The following DDX46 variants were observed in gnomAD, a reference collection of about 807,000 sequenced individuals.
The protein encoded by DDX46 is probable ATP-dependent RNA helicase DDX46.
Under a neutral mutation model 134.9 loss-of-function variants are expected in DDX46, and 30 were observed. That is an observed-to-expected ratio of 0.22 (90% CI 0.17 to 0.30). The LOEUF (loss-of-function observed/expected upper bound fraction) is 0.30, where lower values mean the gene tolerates loss of function less well. Ranked by LOEUF, DDX46 falls within the 10% of genes least tolerant of loss-of-function variation. The pLI is 1.00. For missense variants in DDX46, 622 were observed against 1,248.7 expected (o/e 0.50, Z 7.56); for synonymous variants, 415 against 404.1 (o/e 1.03, Z -0.32).
At position 134,786,100 on chromosome 5, in the gene DDX46, C is replaced by T. The variant is rs192525303; in HGVS notation, c.1464+514C>T. 3.3e-3 allele frequency among the ~76,000 whole-genome samples: 509 copies of T among 152,210 alleles called. 4 individuals carry two copies. Among genetic ancestry groups the T allele is most frequent in the Middle Eastern group, 0.027 (8 of 294 alleles). ...CTGACCTCAGGTGATCCTCCTGCCT[C>T]GGCCTCCCAAAGTGTTGGGATTACA... is the stretch of plus-strand genomic sequence containing the variant. On this transcript the variant is annotated intron_variant, in intron 11 of 22. Transcript: ENST00000452510.
intron 21 of DDX46, among the ~76,000 whole-genome samples, chr5:134,825,341 G>T (rs1755561561): frequency 6.6e-6 from 1 of 152,102 alleles, no homozygotes; most frequent in South Asian, 2.1e-4. Flanking sequence ...ATAGTGTTGT[G>T]ATTGGTGGCT....
intron 1 of DDX46, among the ~76,000 whole-genome samples, chr5:134,760,791 G>A (rs1388156650): frequency 6.6e-6 from 1 of 151,890 alleles, no homozygotes; most frequent in Non-Finnish European, 1.5e-5. Flanking sequence ...GTGCAGTGGT[G>A]GGATCTCGGC....
In DDX46 at chr5:134,790,477, C is replaced by T; in HGVS notation, c.1551C>T (p.Val517=). ...IDMLAANSGR[V]TNLRRVTYVV... ...TTTTTCTTTTCATCTTAGGTCGGGT[C>T]ACAAATCTTCGAAGAGTGACATATG... The change falls in exon 13 of 23, where the codon GTC becomes GTT. Residue 517 remains valine (V), a synonymous_variant. Coordinates refer to ENST00000452510, the MANE Select transcript of DDX46 (RefSeq NM_001300860.2). The T allele has an allele frequency of 6.2e-7, 1 of 1,610,628 alleles. No homozygotes were observed.
At chr5:134,819,095 G>A (rs1297761452) in intron 21 of DDX46, 91 bp downstream of exon 21, 3 of 1,370,464 alleles carry the variant, frequency 2.2e-6, no homozygotes, top group South Asian at 1.7e-5. Flanking sequence ...GTCAATTCTA[G>A]AGAGAACTGA....
chr5:134,768,096 G>T (rs1373979765), intron 3 of DDX46, among the ~76,000 whole-genome samples: 1 of 151,592 alleles, frequency 6.6e-6, no homozygotes, highest in Non-Finnish European at 1.5e-5. Flanking sequence ...AGGTGATGAT[G>T]TAATAAGTGA....
At chr5:134,782,184 G>A in intron 8 of DDX46, 98 bp downstream of exon 8, 2 of 1,239,560 alleles carry the variant, frequency 1.6e-6, no homozygotes, top group South Asian at 1.7e-5. Flanking sequence ...CATGAAGGAG[G>A]GTGTTTTGGA....
At chr5:134,771,118 T>G (rs1217280398) in intron 4 of DDX46, 119 bp downstream of exon 4, 8 of 563,790 alleles carry the variant, frequency 1.4e-5, no homozygotes, top group South Asian at 4.6e-5. Context: ...CTGTCTGTCT[T>G]TCTTTCTGTC....
rs764462685 is a variant in DDX46, at chr5:134,767,052, T to C, written c.342T>C (p.Thr114=). The stretch of plus-strand genomic sequence containing the variant: ...GTCCTGGAAATAAAAGCAAGAAAAC[T>C]GAGAATAGGTAATGTTATCATTGGG... ...SSSPGNKSKK[T]ENRSRSKEKT... The change falls in exon 3 of 23, where the codon ACT becomes ACC. Residue 114 remains threonine, a synonymous_variant. Coordinates refer to ENST00000452510, the MANE Select transcript of DDX46 (RefSeq NM_001300860.2). 1.2e-6 allele frequency: 2 copies of C among 1,612,720 alleles called. No homozygotes were observed. Among genetic ancestry groups the C allele is most frequent in the Admixed American group, 1.7e-5 (1 of 59,730 alleles).
chr5:134,771,274 T>C (rs959868485), intron 4 of DDX46, among the ~76,000 whole-genome samples: 8 of 151,488 alleles, frequency 5.3e-5, no homozygotes, highest in Admixed American at 3.3e-4. Flanking sequence ...TTTGTATTTT[T>C]AGTAGAGATG....
At chr5:134,795,104 A>G in intron 14 of DDX46, 90 bp downstream of exon 14, 1 of 1,485,726 alleles carries the variant, frequency 6.7e-7, no homozygotes, top group Non-Finnish European at 9.1e-7. Flanking sequence ...GAGGTAGGCA[A>G]GGTAATTTCT....
Position 134,815,693 on chromosome 5 carries a change from CG to C in DDX46, c.2437-736del, listed in dbSNP as rs1281018172. Among the ~76,000 whole-genome samples, 11 of 109,092 alleles carry C rather than the reference CG, an allele frequency of 1.0e-4. No individual in the cohort carries two copies. The Admixed American group carries it at 1.4e-3, about 14-fold the overall frequency. 71.6% of individuals were successfully genotyped at this position (109,092 alleles called of 152,430 possible). On this transcript the variant is annotated intron_variant, in intron 18 of 22. Transcript: ENST00000452510. ...TTGCACTCCAGCCTGGGAGACAGAGCGAGACTCTGTCTCAAAAAAAAAAAAA... is the reference window on the plus strand; with the variant it reads ...TTGCACTCCAGCCTGGGAGACAGAGCAGACTCTGTCTCAAAAAAAAAAAAA...
chr5:134,791,165 C>T (rs1275417669), intron 13 of DDX46, among the ~76,000 whole-genome samples: 1 of 152,206 alleles, frequency 6.6e-6, no homozygotes, highest in Non-Finnish European at 1.5e-5. Context: ...TTAGATACCT[C>T]ATTATCTAGT....
At chr5:134,777,870 G>C in intron 6 of DDX46, 145 bp downstream of exon 6, 1 of 874,310 alleles carries the variant, frequency 1.1e-6, no homozygotes, top group Non-Finnish European at 1.7e-6. Context: ...CTTTTTCTGA[G>C]TACCAGAGAT....
intron 14 of DDX46, among the ~76,000 whole-genome samples, chr5:134,795,384 G>A (rs1438323687): frequency 6.6e-6 from 1 of 152,060 alleles, no homozygotes; most frequent in Non-Finnish European, 1.5e-5. Context: ...TAAAGAATGG[G>A]ATATTCTGTC....
chr5:134,794,705 T>C, intron 13 of DDX46, 145 bp from the exon 14 acceptor site: 1 of 948,824 alleles, frequency 1.1e-6, no homozygotes, highest in Non-Finnish European at 1.6e-6. Flanking sequence ...ATGTGTGGAG[T>C]TGTCATTTCT....
chr5:134,781,983 G>C lies in DDX46; in HGVS notation c.942G>C (p.Gln314His). 6.2e-7 allele frequency: 1 copy of C among 1,611,368 alleles called. No individual in the cohort carries two copies. Among genetic ancestry groups the C allele is most frequent in the Non-Finnish European group, 8.5e-7 (1 of 1,179,426 alleles). Residue 314 changes from glutamine (Q) to histidine (H), a missense_variant, in exon 8 of 23, where the codon CAG becomes CAC. Coordinates refer to ENST00000452510, the MANE Select transcript of DDX46 (RefSeq NM_001300860.2). ...CCCTTACAGGGTATCAAACAAAACA[G>C]CGAAAGCTTCTAGAACCAGTTGATC... ...QTALTGYQTK[Q>H]RKLLEPVDHG...
At chr5:134,790,365 G>C in intron 12 of DDX46, 105 bp from the exon 13 acceptor site, 1 of 964,676 alleles carries the variant, frequency 1.0e-6, no homozygotes, top group Non-Finnish European at 1.5e-6. Flanking sequence ...GTTAAGTCAG[G>C]CATTTTAGTT....
chr5:134,823,430 C>T (rs549243239), intron 21 of DDX46, among the ~76,000 whole-genome samples: 15 of 152,268 alleles, frequency 9.9e-5, no homozygotes, highest in South Asian at 2.1e-4. Flanking sequence ...AGAGCCACCA[C>T]GCCCGGCAAA....
chr5:134,785,841 C>T (rs1035725021), intron 11 of DDX46, among the ~76,000 whole-genome samples: 3 of 151,478 alleles, frequency 2.0e-5, no homozygotes, highest in Non-Finnish European at 4.4e-5. Context: ...GTAGATCTCA[C>T]ATCATGTTTT....
Sources: gnomAD v4.1 joint callset for allele counts (sites outside exome capture counted in the v4.1 genomes callset) on GRCh38, gnomAD v4.1.1 for gene constraint, MANE v1.5 for transcripts, NCBI Gene and HGNC (gene_info 2026-07-23, HGNC 2026-07-21) for gene names.